Variants in NET1 observed in about 807,000 individuals in gnomAD.
NET1 encodes neuroepithelial cell-transforming gene 1 protein.
A neutral mutation model predicts 61.1 loss-of-function variants in NET1; 42 were observed. The observed-to-expected ratio is 0.69, with a 90% CI of 0.54 to 0.89. The LOEUF is 0.89. Ranked by LOEUF, NET1 falls within the 40% of genes least tolerant of loss-of-function variation. The probability of loss-of-function intolerance (pLI) is 0.00; values close to 1 mark genes in which losing one functional copy is unlikely to be tolerated. For synonymous variants in NET1, 254 were observed against 281.8 expected, an observed-to-expected ratio of 0.90 and a Z score of 0.99; for missense variants, 654 against 747.3, an observed-to-expected ratio of 0.88 and a Z score of 1.46.
rs2119214311 is a variant in NET1, at chr10:5,453,571, A to T, written c.768+11A>T. 1 of 1,612,196 alleles carries T rather than the reference A, an allele frequency of 6.2e-7. No individual in the cohort carries two copies. Among genetic ancestry groups the T allele is most frequent in the Non-Finnish European group, 8.5e-7 (1 of 1,178,316 alleles). ...ATTCTCGTGAGCTGGGTATGTAGTG[A>T]GTTGTTGACCCCAGATACAGTTTCT... On this transcript the variant is annotated intron_variant, in intron 8 of 11. Coordinates refer to ENST00000355029, the MANE Select transcript of NET1 (RefSeq NM_001047160.3). This position sits in a 1 kb window ranked among gnomAD's most constrained non-coding sequence, Gnocchi z 4.9.
intron 3 of NET1, 78 bp downstream of exon 3, chr10:5,429,307 C>A: frequency 8.9e-7 from 1 of 1,125,382 alleles, no homozygotes; most frequent in Non-Finnish European, 1.3e-6. Context: ...GCAAGAATAA[C>A]AAATGCTGGT....
chr10:5,439,152 G>C lies in NET1; in HGVS notation c.255+9923G>C, dbSNP rs1430650226. Among the ~76,000 whole-genome samples the C allele has an allele frequency of 2.0e-5, 3 of 152,204 alleles. No homozygotes were observed. Among genetic ancestry groups the C allele is most frequent in the African/African-American group, 7.2e-5 (3 of 41,442 alleles). ...CCCATTTGCCACTGCTCAGGAGCCT[G>C]TGTATATCTGTATGTCATGCCATTT... On this transcript the variant is annotated intron_variant, in intron 3 of 11. Transcript: ENST00000355029. The surrounding 1 kb of genome is among the most constrained non-coding windows in gnomAD (Gnocchi z 4.8).
rs1021335050 is a variant in NET1 at position 5,421,494 on chromosome 10, A to C, written c.129-5161A>C. ...ATTAATTGATGGATTTGTACAGTGGATATCCAGTTAAAGGTATAGCCTTAA... is the reference window on the plus strand; with the variant it reads ...ATTAATTGATGGATTTGTACAGTGGCTATCCAGTTAAAGGTATAGCCTTAA... On this transcript the variant is annotated intron_variant, in intron 1 of 11. Transcript: ENST00000355029. This position sits in a 1 kb window ranked among gnomAD's most constrained non-coding sequence, Gnocchi z 4.2. 2.6e-5 allele frequency among the ~76,000 whole-genome samples: 4 copies of C among 152,170 alleles called. No homozygotes were observed. The highest frequency in any genetic ancestry group is 9.7e-5 in the African/African-American group (4 of 41,428).
At position 5,454,948 on chromosome 10, in the gene NET1, A is replaced by G. The variant is rs746680053; in HGVS notation, c.1027A>G (p.Ile343Val). Residue 343 changes from isoleucine (I) to valine (V), a missense_variant and splice_region_variant, in exon 10 of 12, where the codon ATA becomes GTA. Coordinates refer to ENST00000355029, the MANE Select transcript of NET1 (RefSeq NM_001047160.3). The surrounding 1 kb of genome is among the most constrained non-coding windows in gnomAD (Gnocchi z 8.1). ...TGTCAATTTTATTTATCATTTTCAG[A>G]TATTGATAATACAGGGAGTCCTCTC... ...HPDVQLLEDA[I>V]LIIQGVLSDI... 15 of 1,613,236 alleles carry G rather than the reference A, an allele frequency of 9.3e-6. No individual in the cohort carries two copies. Among genetic ancestry groups the G allele is most frequent in the Non-Finnish European group, 1.3e-5 (15 of 1,179,506 alleles).
intron 3 of NET1, among the ~76,000 whole-genome samples, chr10:5,436,248 A>ATATAT (rs1564462826): frequency 1.6e-3 from 29 of 18,414 alleles, no homozygotes; most frequent in Non-Finnish European, 2.3e-3. Context: ...ATATATATAT[A>ATATAT]TTTTTTTTTT....
chr10:5,412,648 G>T lies in NET1; in HGVS notation c.-45G>T, dbSNP rs1832012883. 1 of 1,444,512 alleles carries T rather than the reference G, an allele frequency of 6.9e-7. No homozygotes were observed. The highest frequency in any genetic ancestry group is 9.0e-7 in the Non-Finnish European group (1 of 1,111,016). 89.5% of individuals were successfully genotyped at this position (1,444,512 alleles called of 1,614,324 possible). ...GGCGGGCATCGTGCCCGTCCCTGCC[G>T]GTCTCCCGGGCACCCGGCCACCGCC... On this transcript the variant is annotated 5_prime_UTR_variant, in exon 1 of 12. Transcript: ENST00000355029. This position sits in a 1 kb window ranked among gnomAD's most constrained non-coding sequence, Gnocchi z 6.5.
Position 5,439,038 on chromosome 10 carries a change from C to T in NET1, c.255+9809C>T, listed in dbSNP as rs1832483284. ...AGGCTCCTTCCACTTTGTGGCCATT[C>T]TCATAGGCCCATCCATATGCCTCTT... is the stretch of plus-strand genomic sequence containing the variant. On this transcript the variant is annotated intron_variant, in intron 3 of 11. Coordinates refer to ENST00000355029, the MANE Select transcript of NET1 (RefSeq NM_001047160.3). This position sits in a 1 kb window ranked among gnomAD's most constrained non-coding sequence, Gnocchi z 4.8. Among the ~76,000 whole-genome samples the T allele has an allele frequency of 6.6e-6, 1 of 152,248 alleles. No individual in the cohort carries two copies. The highest frequency in any genetic ancestry group is 1.5e-5 in the Non-Finnish European group (1 of 68,048).
At chr10:5,414,523 G>T (rs1832048038) in intron 1 of NET1, among the ~76,000 whole-genome samples, 1 of 152,190 alleles carries the variant, frequency 6.6e-6, no homozygotes, top group Non-Finnish European at 1.5e-5. Flanking sequence ...CTGATGGATT[G>T]GTAGGAAATC....
Position 5,454,181 on chromosome 10 carries a change from A to G in NET1, c.769-84A>G, listed in dbSNP as rs1832757792. ...TTAAAACTCTCAAGAATAGCTGTAC[A>G]TTTTGTGTTTCATGTTTGCAGGCTT... On this transcript the variant is annotated intron_variant, in intron 8 of 11. Transcript: ENST00000355029. The surrounding 1 kb of genome is among the most constrained non-coding windows in gnomAD (Gnocchi z 8.1). 2 of 1,376,982 alleles carry G rather than the reference A, an allele frequency of 1.5e-6. No homozygotes were observed. Among genetic ancestry groups the G allele is most frequent in the East Asian group, 2.3e-5 (1 of 43,480 alleles). The allele number at this position is 1,376,982 out of a possible 1,614,324, so 85.3% of individuals were successfully genotyped here.
In NET1 at chr10:5,454,490, G is replaced by A; in HGVS notation, c.994G>A (p.Glu332Lys). The A allele has an allele frequency of 6.2e-7, 1 of 1,614,060 alleles. No homozygotes were observed. The highest frequency in any genetic ancestry group is 8.5e-7 in the Non-Finnish European group (1 of 1,180,000). Residue 332 changes from glutamate to lysine, a missense_variant, in exon 9 of 12, where the codon GAG becomes AAG. Transcript: ENST00000355029. This position sits in a 1 kb window ranked among gnomAD's most constrained non-coding sequence, Gnocchi z 8.1. ...LKEILKHTPK[E>K]HPDVQLLEDA... The stretch of plus-strand genomic sequence containing the variant: ...AGAAATTCTTAAACACACTCCAAAA[G>A]AGCACCCTGATGTTCAGCTTCTGGA...
Position 5,453,849 on chromosome 10 carries a change from C to G in NET1, c.768+289C>G, listed in dbSNP as rs1046539555. ...TTGCATTCTGTCATGTATGTTTAAG[C>G]GCATGCCAAATGCGGGGCACTGTTT... On this transcript the variant is annotated intron_variant, in intron 8 of 11. Coordinates refer to ENST00000355029, the MANE Select transcript of NET1 (RefSeq NM_001047160.3). This position sits in a 1 kb window ranked among gnomAD's most constrained non-coding sequence, Gnocchi z 4.9. 1.3e-5 allele frequency among the ~76,000 whole-genome samples: 2 copies of G among 152,036 alleles called. No individual in the cohort carries two copies. Among genetic ancestry groups the G allele is most frequent in the Non-Finnish European group, 2.9e-5 (2 of 68,026 alleles).
chr10:5,452,242 T>G lies in NET1; in HGVS notation c.364-116T>G, dbSNP rs752373894. On this transcript the variant is annotated intron_variant, in intron 4 of 11. Coordinates refer to ENST00000355029, the MANE Select transcript of NET1 (RefSeq NM_001047160.3). The surrounding 1 kb of genome is among the most constrained non-coding windows in gnomAD (Gnocchi z 4.0). ...GAAACTTGGATAAATTATTGTTTTC[T>G]GCATTGAGAAATTCTCAGAACTTTG... 6.4e-6 allele frequency: 6 copies of G among 934,936 alleles called. No individual in the cohort carries two copies. The highest frequency in any genetic ancestry group is 2.6e-5 in the South Asian group (1 of 38,686). The allele number at this position is 934,936 out of a possible 1,614,324, so 57.9% of individuals were successfully genotyped here.
In NET1 at chr10:5,417,023, T is replaced by C. The variant is rs988718125; in HGVS notation, c.128+4203T>C. ...TTGGCTTGGATAATGATTGCAAGCTTTTATAGAGTGGAAGTAGCTCTCAGC... is the reference window on the plus strand; with the variant it reads ...TTGGCTTGGATAATGATTGCAAGCTCTTATAGAGTGGAAGTAGCTCTCAGC... On this transcript the variant is annotated intron_variant, in intron 1 of 11. Coordinates refer to ENST00000355029, the MANE Select transcript of NET1 (RefSeq NM_001047160.3). This position sits in a 1 kb window ranked among gnomAD's most constrained non-coding sequence, Gnocchi z 5.5. 1.2e-4 allele frequency among the ~76,000 whole-genome samples: 19 copies of C among 152,154 alleles called. No homozygotes were observed. The highest frequency in any genetic ancestry group is 4.6e-4 in the African/African-American group (19 of 41,428).
rs55784274 is a variant in NET1 at position 5,415,440 on chromosome 10, C to CTTTTTTT, written c.128+2626_128+2632dup. 2.8e-5 allele frequency among the ~76,000 whole-genome samples: 4 copies of CTTTTTTT among 145,250 alleles called. No homozygotes were observed. The highest frequency in any genetic ancestry group is 1.5e-5 in the Non-Finnish European group (1 of 66,952). On this transcript the variant is annotated intron_variant, in intron 1 of 11. Transcript: ENST00000355029. This position sits in a 1 kb window ranked among gnomAD's most constrained non-coding sequence, Gnocchi z 4.7. The stretch of plus-strand genomic sequence containing the variant: ...CATTTTTGGTGGGCCATCCTTTGCT[C>CTTTTTTT]TTTTTTTTTTTTCTTTTGAGACGGA...
At chr10:5,433,311 C>T (rs1241839974) in intron 3 of NET1, among the ~76,000 whole-genome samples, 1 of 152,174 alleles carries the variant, frequency 6.6e-6, no homozygotes, top group Non-Finnish European at 1.5e-5. Context: ...GCAACCATGA[C>T]CCACAAGCCA....
chr10:5,413,043 G>C (rs1336662560), intron 1 of NET1, among the ~76,000 whole-genome samples: 1 of 130,658 alleles, frequency 7.7e-6, no homozygotes, highest in Admixed American at 7.4e-5. Context: ...GGTTGGGGGG[G>C]GGGACGGGGG....
chr10:5,412,672 C>T lies in NET1; in HGVS notation c.-21C>T. ...CGGTCTCCCGGGCACCCGGCCACCG[C>T]CCCACCCCCTCCTCCGTGCCATGGA... On this transcript the variant is annotated 5_prime_UTR_variant, in exon 1 of 12. Transcript: ENST00000355029. The surrounding 1 kb of genome is among the most constrained non-coding windows in gnomAD (Gnocchi z 6.5). 1 of 1,461,558 alleles carries T rather than the reference C, an allele frequency of 6.8e-7. No homozygotes were observed. Among genetic ancestry groups the T allele is most frequent in the Non-Finnish European group, 8.9e-7 (1 of 1,118,284 alleles). The allele number at this position is 1,461,558 out of a possible 1,614,324, so 90.5% of individuals were successfully genotyped here.
chr10:5,456,848 G>T lies in NET1; in HGVS notation c.1645G>T (p.Val549Phe). Residue 549 changes from valine to phenylalanine, a missense_variant, in exon 12 of 12, where the codon GTT becomes TTT. Physicochemically the swap from Val to Phe is conservative, Grantham distance 50. Transcript: ENST00000355029. This position sits in a 1 kb window ranked among gnomAD's most constrained non-coding sequence, Gnocchi z 7.0. ...AGTTTCCAGTGTTACTCAGGTAGAAGTTGATGAAAACGCTTACAGATGTGG... is the reference window on the plus strand; with the variant it reads ...AGTTTCCAGTGTTACTCAGGTAGAATTTGATGAAAACGCTTACAGATGTGG... ...STVSSVTQVE[V>F]DENAYRCGSG... The T allele has an allele frequency of 6.2e-7, 1 of 1,614,138 alleles. No homozygotes were observed. Among genetic ancestry groups the T allele is most frequent in the Non-Finnish European group, 8.5e-7 (1 of 1,180,028 alleles).
chr10:5,437,857 C>T lies in NET1; in HGVS notation c.255+8628C>T, dbSNP rs1464192939. On this transcript the variant is annotated intron_variant, in intron 3 of 11. Coordinates refer to ENST00000355029, the MANE Select transcript of NET1 (RefSeq NM_001047160.3). The surrounding 1 kb of genome is among the most constrained non-coding windows in gnomAD (Gnocchi z 4.3). ...CCAGGATAGACGGTATGTCAGGCTGCAAAACAAGTCTTAATACATTTATAA... is the reference window on the plus strand; with the variant it reads ...CCAGGATAGACGGTATGTCAGGCTGTAAAACAAGTCTTAATACATTTATAA... 6.6e-6 allele frequency among the ~76,000 whole-genome samples: 1 copy of T among 152,028 alleles called. No individual in the cohort carries two copies. The highest frequency in any genetic ancestry group is 1.5e-5 in the Non-Finnish European group (1 of 68,010).
Sources: gnomAD v4.1 joint callset for allele counts (sites outside exome capture counted in the v4.1 genomes callset) on GRCh38, gnomAD v4.1.1 for gene constraint, Gnocchi (gnomAD v3.1) non-coding constraint, MANE v1.5 for transcripts, NCBI Gene and HGNC (gene_info 2026-07-23, HGNC 2026-07-21) for gene names.